SELENOI: variants seen among roughly 807,000 people sequenced by gnomAD.
SELENOI encodes ethanolaminephosphotransferase 1.
SELENOI carries 24 observed loss-of-function variants against 50.7 expected under a neutral mutation model. The observed-to-expected ratio is 0.47, with a 90% CI of 0.34 to 0.67. The LOEUF is 0.67. Among genes scored for constraint, SELENOI ranks in the 30% least tolerant of loss-of-function variants. The pLI is 0.01. For missense variants in SELENOI, 352 were observed against 461.4 expected (o/e 0.76, Z 2.17); for synonymous variants, 155 against 170.2 (o/e 0.91, Z 0.70).
At chr2:26,375,612 AT>A (rs1231399907) in intron 6 of SELENOI, among the ~76,000 whole-genome samples, 2 of 152,148 alleles carry the variant, frequency 1.3e-5, no homozygotes, top group Non-Finnish European at 2.9e-5. Context: ...AAGATTTTTT[AT>A]GGTGGTAATC....
intron 3 of SELENOI, 54 bp downstream of exon 3, chr2:26,364,994 G>A: frequency 1.6e-6 from 2 of 1,273,774 alleles, no homozygotes; most frequent in African/African-American, 3.1e-5. Flanking sequence ...AATGAAATGT[G>A]GATGCTTATT....
At chr2:26,374,933 C>T in intron 5 of SELENOI, 107 bp from the exon 6 acceptor site, 1 of 724,168 alleles carries the variant, frequency 1.4e-6, no homozygotes, top group East Asian at 2.7e-5. Flanking sequence ...TACTTCTTGC[C>T]TTTACTAAAA....
intron 6 of SELENOI, among the ~76,000 whole-genome samples, chr2:26,379,598 G>A (rs1261944727): frequency 6.6e-6 from 1 of 151,348 alleles, no homozygotes; most frequent in East Asian, 1.9e-4. Flanking sequence ...TCCATCTGCT[G>A]CAAGTATATA....
At chr2:26,354,962 C>T (rs1438128073) in intron 1 of SELENOI, among the ~76,000 whole-genome samples, 1 of 152,152 alleles carries the variant, frequency 6.6e-6, no homozygotes, top group Non-Finnish European at 1.5e-5. Flanking sequence ...AGCTTTTGGA[C>T]TAATATTACG....
chr2:26,375,190 G>A, intron 6 of SELENOI, 42 bp downstream of exon 6: 3 of 1,298,058 alleles, frequency 2.3e-6, no homozygotes, highest in Non-Finnish European at 2.2e-6. Context: ...CCATCACTTT[G>A]TTATCAAAAG....
At chr2:26,374,862 G>A (rs1292077882) in intron 5 of SELENOI, among the ~76,000 whole-genome samples, 178 bp from the exon 6 acceptor site, 1 of 152,090 alleles carries the variant, frequency 6.6e-6, no homozygotes, top group African/African-American at 2.4e-5. Context: ...GAGCCCCCAC[G>A]TCCAGCCAAA....
At chr2:26,349,650 A>G (rs1676909709) in intron 1 of SELENOI, among the ~76,000 whole-genome samples, 2 of 143,654 alleles carry the variant, frequency 1.4e-5, no homozygotes, top group South Asian at 4.4e-4. Flanking sequence ...CCACTTATCT[A>G]AGGGTGAAAC....
chr2:26,354,559 T>A (rs1216698568), intron 1 of SELENOI, among the ~76,000 whole-genome samples: 2 of 150,846 alleles, frequency 1.3e-5, no homozygotes, highest in Non-Finnish European at 3.0e-5. Flanking sequence ...GCTAATTTTT[T>A]GTTTTTTTTT....
intron 6 of SELENOI, among the ~76,000 whole-genome samples, chr2:26,376,286 A>C (rs1409225988): frequency 1.3e-5 from 2 of 152,082 alleles, no homozygotes; most frequent in African/African-American, 2.4e-5. Flanking sequence ...CTATCTTGAA[A>C]TCTATCAAAT....
intron 6 of SELENOI, among the ~76,000 whole-genome samples, chr2:26,377,746 T>C (rs536457113): frequency 6.6e-6 from 1 of 152,348 alleles, no homozygotes; most frequent in African/African-American, 2.4e-5. Flanking sequence ...TTTCCTTTAG[T>C]TCTTTGAACA....
At chr2:26,383,931 A>C (rs932910737) in intron 7 of SELENOI, among the ~76,000 whole-genome samples, 9 of 152,198 alleles carry the variant, frequency 5.9e-5, no homozygotes, top group Non-Finnish European at 1.2e-4. Flanking sequence ...GTTTAGGACC[A>C]AACTGGACCT....
chr2:26,379,085 G>A (rs1399036551), intron 6 of SELENOI, among the ~76,000 whole-genome samples: 1 of 152,096 alleles, frequency 6.6e-6, no homozygotes, highest in African/African-American at 2.4e-5. Flanking sequence ...GACCAGCCTG[G>A]CCAATGTGGT....
intron 1 of SELENOI, among the ~76,000 whole-genome samples, chr2:26,359,869 A>T (rs1465415868): frequency 1.3e-5 from 2 of 152,062 alleles, no homozygotes; most frequent in Non-Finnish European, 2.9e-5. Context: ...TCTTCTCCTA[A>T]ATGAGGGTCA....
In SELENOI at chr2:26,379,174, G is replaced by T. The variant is rs145214146; in HGVS notation, c.682+4026G>T. On this transcript the variant is annotated intron_variant, in intron 6 of 9. Coordinates refer to ENST00000260585, the MANE Select transcript of SELENOI (RefSeq NM_033505.4). ...AGCTACTCGGGAGGCTGAGGCAGGA[G>T]AATCGCTTGAACCTGGGAGGTGGAG... is the stretch of plus-strand genomic sequence containing the variant. Among the ~76,000 whole-genome samples, 883 of 152,308 alleles carry T rather than the reference G, an allele frequency of 5.8e-3. 16 individuals carry two copies. Among genetic ancestry groups the T allele is most frequent in the African/African-American group, 0.019 (801 of 41,554 alleles).
rs746686474 is a variant in SELENOI, at chr2:26,373,587, A to G, written c.531A>G (p.Thr177=). 1.4e-5 allele frequency: 22 copies of G among 1,613,834 alleles called. No homozygotes were observed. The highest frequency in any genetic ancestry group is 6.7e-5 in the African/African-American group (5 of 74,932). Residue 177 remains threonine, a synonymous_variant, in exon 5 of 10, where the codon ACA becomes ACG. Transcript: ENST00000260585. ...FILSHWEKYN[T]GILFLPWGYD... is the part of the protein sequence containing the mutation. ...TGTCCCACTGGGAAAAGTATAACAC[A>G]GGGATTCTTTTCCTGCCATGGGGAT...
Position 26,386,650 on chromosome 2 carries a change from A to G in SELENOI, c.1095+114A>G, listed in dbSNP as rs1243567419. 11 of 837,666 alleles carry G rather than the reference A, an allele frequency of 1.3e-5. No homozygotes were observed. The Admixed American group carries it at 3.6e-4, about 28-fold the overall frequency. 51.9% of individuals were successfully genotyped at this position (837,666 alleles called of 1,614,324 possible). A position where few individuals can be genotyped will look rare whatever the true frequency, so the allele number is the denominator to read the frequency against. ...TTTTAAAAAGAAAGTTGCTTATTAT[A>G]GTAGCTGTAAGGGTTTTGGGATATT... On this transcript the variant is annotated intron_variant, in intron 9 of 9. Coordinates refer to ENST00000260585, the MANE Select transcript of SELENOI (RefSeq NM_033505.4).
chr2:26,381,789 T>C (rs1677710589), intron 6 of SELENOI, among the ~76,000 whole-genome samples: 1 of 152,186 alleles, frequency 6.6e-6, no homozygotes, highest in Non-Finnish European at 1.5e-5. Context: ...TAATTCTTTT[T>C]AGAGATAAGA....
chr2:26,369,433 T>A (rs1226944955), intron 4 of SELENOI, among the ~76,000 whole-genome samples: 1 of 152,212 alleles, frequency 6.6e-6, no homozygotes, highest in Non-Finnish European at 1.5e-5. Flanking sequence ...TCTTTTTTTC[T>A]ATTAACACTA....
At chr2:26,349,111 G>A (rs1240497463) in intron 1 of SELENOI, among the ~76,000 whole-genome samples, 1 of 142,848 alleles carries the variant, frequency 7.0e-6, no homozygotes, top group African/African-American at 2.6e-5. Context: ...CGCCTCCTGC[G>A]TTCAAGCGAT....
Sources: gnomAD v4.1 joint callset for allele counts (sites outside exome capture counted in the v4.1 genomes callset) on GRCh38, gnomAD v4.1.1 for gene constraint, MANE v1.5 for transcripts, NCBI Gene and HGNC (gene_info 2026-07-23, HGNC 2026-07-21) for gene names.